The following NXPH1 variants were observed in gnomAD, a reference collection of about 807,000 sequenced individuals.
NXPH1 encodes neurexophilin-1.
A neutral mutation model predicts 23.7 loss-of-function variants in NXPH1; 5 were observed. The observed-to-expected ratio is 0.21, with a 90% CI of 0.11 to 0.44. The LOEUF is 0.44. NXPH1 is among the 20% of genes least tolerant of loss of function. The pLI is 0.99. For synonymous variants in NXPH1, 144 were observed against 122.2 expected, an observed-to-expected ratio of 1.18 and a Z score of -1.18; for missense variants, 324 against 321.6, an observed-to-expected ratio of 1.01 and a Z score of -0.06.
At chr7:8,622,664 A>T (rs1819901077) in intron 2 of NXPH1, among the ~76,000 whole-genome samples, 3 of 152,204 alleles carry the variant, frequency 2.0e-5, no homozygotes, top group South Asian at 4.1e-4. Context: ...ATGATTTGTC[A>T]ACAAGTCAGG....
intron 2 of NXPH1, among the ~76,000 whole-genome samples, chr7:8,624,224 C>T (rs932263884): frequency 1.3e-5 from 2 of 152,018 alleles, no homozygotes; most frequent in Admixed American, 1.3e-4. Context: ...TTGGCTGTGG[C>T]CACATTTTGA....
chr7:8,645,961 T>C (rs974790552), intron 2 of NXPH1, among the ~76,000 whole-genome samples: 1 of 152,146 alleles, frequency 6.6e-6, no homozygotes, highest in Non-Finnish European at 1.5e-5. Context: ...TAGGCACTAA[T>C]GTCCATGAAG....
At chr7:8,616,991 A>C (rs879889621) in intron 2 of NXPH1, among the ~76,000 whole-genome samples, 6 of 152,090 alleles carry the variant, frequency 3.9e-5, no homozygotes, top group Admixed American at 2.6e-4. Context: ...CACTGGCTTC[A>C]GTGGATAAGA....
intron 2 of NXPH1, among the ~76,000 whole-genome samples, chr7:8,518,225 A>G (rs1183872594): frequency 1.3e-5 from 2 of 152,106 alleles, no homozygotes; most frequent in Non-Finnish European, 2.9e-5. Flanking sequence ...CCATATTAAG[A>G]ACGATTTGTT....
chr7:8,598,318 A>C (rs1015829190), intron 2 of NXPH1, among the ~76,000 whole-genome samples: 18 of 152,094 alleles, frequency 1.2e-4, no homozygotes, highest in Admixed American at 9.2e-4. Context: ...TTTATAATTC[A>C]CCCCGTCTCA....
At chr7:8,455,891 C>G (rs1816585599) in intron 2 of NXPH1, among the ~76,000 whole-genome samples, 1 of 152,132 alleles carries the variant, frequency 6.6e-6, no homozygotes, top group Non-Finnish European at 1.5e-5. Context: ...TCCCATGTGT[C>G]CTAGGGGATA....
intron 2 of NXPH1, among the ~76,000 whole-genome samples, chr7:8,669,071 C>G (rs1820826075): frequency 6.6e-6 from 1 of 152,164 alleles, no homozygotes; most frequent in Non-Finnish European, 1.5e-5. Context: ...GGTCCTGGAG[C>G]TTGAGTATGT....
intron 2 of NXPH1, among the ~76,000 whole-genome samples, chr7:8,516,724 A>G (rs1431638039): frequency 6.6e-6 from 1 of 152,142 alleles, no homozygotes; most frequent in Non-Finnish European, 1.5e-5. Context: ...TTGAGTTTAG[A>G]ACTTTAGTGA....
chr7:8,632,936 T>C (rs1562436610), intron 2 of NXPH1, among the ~76,000 whole-genome samples: 1 of 152,240 alleles, frequency 6.6e-6, no homozygotes, highest in Non-Finnish European at 1.5e-5. Flanking sequence ...TACTGCTCTG[T>C]GCATTATTAC....
At chr7:8,462,898 G>A (rs142360455) in intron 2 of NXPH1, among the ~76,000 whole-genome samples, 1 of 152,100 alleles carries the variant, frequency 6.6e-6, no homozygotes, top group Non-Finnish European at 1.5e-5. Context: ...GGATTGAGAG[G>A]CTTATTTTAT....
At chr7:8,595,891 C>T (rs1181195695) in intron 2 of NXPH1, among the ~76,000 whole-genome samples, 1 of 151,996 alleles carries the variant, frequency 6.6e-6, no homozygotes, top group Non-Finnish European at 1.5e-5. Flanking sequence ...CTGTTCTCTA[C>T]TCTTAAAAGG....
At chr7:8,550,717 T>G in intron 2 of NXPH1, among the ~76,000 whole-genome samples, 1 of 151,778 alleles carries the variant, frequency 6.6e-6, no homozygotes, top group East Asian at 2.0e-4. Flanking sequence ...TATAGTTATA[T>G]CTATAACAAC....
At chr7:8,498,792 T>C (rs767784643) in intron 2 of NXPH1, among the ~76,000 whole-genome samples, 1 of 152,044 alleles carries the variant, frequency 6.6e-6, no homozygotes, top group African/African-American at 2.4e-5. Context: ...CAAGTTGTTC[T>C]AAGAGCTTAG....
intron 2 of NXPH1, among the ~76,000 whole-genome samples, chr7:8,503,396 C>T (rs11971975): frequency 0.039 from 5,931 of 151,918 alleles, 402 homozygotes; most frequent in African/African-American, 0.13. Flanking sequence ...CCTTCCTCAC[C>T]GGTGATGCAT....
intron 2 of NXPH1, among the ~76,000 whole-genome samples, chr7:8,712,941 T>C (rs976283635): frequency 2.6e-5 from 4 of 152,186 alleles, no homozygotes; most frequent in Admixed American, 2.0e-4. Flanking sequence ...AACTTTCTTG[T>C]ACTTGAATAT....
chr7:8,535,318 T>C (rs911138332), intron 2 of NXPH1, among the ~76,000 whole-genome samples: 1 of 152,088 alleles, frequency 6.6e-6, no homozygotes, highest in Non-Finnish European at 1.5e-5. Context: ...AGATACATAA[T>C]AGAATCTTAT....
At chr7:8,476,185 C>G (rs972222009) in intron 2 of NXPH1, among the ~76,000 whole-genome samples, 1 of 152,072 alleles carries the variant, frequency 6.6e-6, no homozygotes, top group African/African-American at 2.4e-5. Context: ...TTACCTTTCC[C>G]TATTCTGTGT....
chr7:8,712,087 G>C (rs1018071580), intron 2 of NXPH1, among the ~76,000 whole-genome samples: 8 of 152,190 alleles, frequency 5.3e-5, no homozygotes, highest in Non-Finnish European at 1.5e-5. Context: ...AGTGGAGCTT[G>C]ATTTCACTGA....
At chr7:8,647,441 A>G (rs1410391355) in intron 2 of NXPH1, among the ~76,000 whole-genome samples, 1 of 152,178 alleles carries the variant, frequency 6.6e-6, no homozygotes, top group Non-Finnish European at 1.5e-5. Context: ...AACAGGAAGA[A>G]GACAGCCCCC....
Sources: gnomAD v4.1 joint callset for allele counts (sites outside exome capture counted in the v4.1 genomes callset) on GRCh38, gnomAD v4.1.1 for gene constraint, MANE v1.5 for transcripts, NCBI Gene and HGNC (gene_info 2026-07-23, HGNC 2026-07-21) for gene names.